The following TET3 variants were observed in gnomAD, a reference collection of about 807,000 sequenced individuals.
TET3 encodes the protein methylcytosine dioxygenase TET3.
A neutral mutation model predicts 141.4 loss-of-function variants in TET3; 19 were observed. That is an observed-to-expected ratio of 0.13 (90% CI 0.09 to 0.20). TET3 has a LOEUF of 0.20. Among genes scored for constraint, TET3 ranks in the 10% least tolerant of loss-of-function variants. The pLI is 1.00. For synonymous variants in TET3, 1,043 were observed against 980.9 expected, an observed-to-expected ratio of 1.06 and a Z score of -1.18; for missense variants, 1,874 against 2,356.9, an observed-to-expected ratio of 0.80 and a Z score of 4.24.
intron 3 of TET3, among the ~76,000 whole-genome samples, chr2:74,029,115 G>A (rs1247095430): frequency 6.6e-6 from 1 of 152,220 alleles, no homozygotes; most frequent in Non-Finnish European, 1.5e-5. Flanking sequence ...GAAAGGGGCA[G>A]TTGTCCCCAA....
chr2:74,073,472 C>T, intron 4 of TET3, 77 bp from the exon 5 acceptor site: 3 of 1,130,072 alleles, frequency 2.7e-6, no homozygotes, highest in Non-Finnish European at 3.8e-6. Flanking sequence ...ATTAACTTTC[C>T]TGTTGGTGGT....
At chr2:74,023,257 C>T (rs566515462) in intron 3 of TET3, among the ~76,000 whole-genome samples, 20 of 152,072 alleles carry the variant, frequency 1.3e-4, no homozygotes, top group Admixed American at 1.0e-3. Context: ...TATTTAATTT[C>T]GAGACAAGGT....
chr2:74,002,584 C>T (rs555556245), intron 2 of TET3: 4 of 324,442 alleles, frequency 1.2e-5, no homozygotes, highest in South Asian at 1.6e-4. Flanking sequence ...GCTGCGCCCC[C>T]GCCTCCCGGC....
intron 2 of TET3, chr2:74,002,593 G>A (rs1404859864): frequency 6.0e-6 from 2 of 331,870 alleles, no homozygotes; most frequent in Non-Finnish European, 5.4e-6. Flanking sequence ...CCGCCTCCCG[G>A]CTGGGCAGGT....
At chr2:74,121,380 G>A in the TET3 span, 1 of 152,224 alleles carries the variant, frequency 6.6e-6, no homozygotes, top group Non-Finnish European at 1.5e-5. Context: ...ACAGGTGATA[G>A]CAATCAATAG....
intron 4 of TET3, among the ~76,000 whole-genome samples, chr2:74,067,545 C>A (rs1197825652): frequency 6.6e-6 from 1 of 152,220 alleles, no homozygotes; most frequent in Non-Finnish European, 1.5e-5. Flanking sequence ...TTCTGTGCTA[C>A]ATTAACAATT....
At chr2:74,061,180 G>A (rs1457120545) in intron 4 of TET3, among the ~76,000 whole-genome samples, 2 of 148,352 alleles carry the variant, frequency 1.3e-5, no homozygotes, top group African/African-American at 5.0e-5. Context: ...CGGGGCGGCC[G>A]GCCGGGCGGG....
rs575057500 is a variant in TET3 at position 74,083,542 on chromosome 2, A to T, written c.2679+2951A>T. Among the ~76,000 whole-genome samples the T allele has an allele frequency of 3.7e-4, 56 of 152,172 alleles. 2 individuals carry two copies. In the Middle Eastern group the frequency reaches 0.01, roughly 28 times the overall value. On this transcript the variant is annotated intron_variant, in intron 6 of 11. Coordinates refer to ENST00000409262, the MANE Select transcript of TET3 (RefSeq NM_001287491.2). ...CTAGAAGCTGGATGAGCTGTTGAGG[A>T]TCCTGTGGCTGAGTTGGAGCCATCT...
intron 4 of TET3, among the ~76,000 whole-genome samples, chr2:74,051,513 G>A (rs60704949): frequency 0.057 from 8,622 of 152,206 alleles, 845 homozygotes; most frequent in African/African-American, 0.2. Flanking sequence ...TGAAATTTGT[G>A]TTGTATAACC....
chr2:74,047,496 G>A lies in TET3; in HGVS notation c.1579G>A (p.Ala527Thr), dbSNP rs781722716. Residue 527 changes from alanine to threonine, a missense_variant, in exon 4 of 12, where the codon GCC (alanine) becomes ACC (threonine). By Grantham distance (58) the Ala-to-Thr change is moderately conservative (BLOSUM62 0). Around this residue, in one of 10 missense-constraint regions of TET3, gnomAD observed 484 missense variants for 462.2 expected, o/e 1.05. Coordinates refer to ENST00000409262, the MANE Select transcript of TET3 (RefSeq NM_001287491.2). The stretch of plus-strand genomic sequence containing the variant: ...CGACACCCACCAGAAGGCCCAGACC[G>A]CCCTGCAGCAGCACCTCCACCACAA... ...EPDTHQKAQT[A>T]LQQHLHHKRS... The A allele has an allele frequency of 1.2e-5, 19 of 1,612,600 alleles. No individual in the cohort carries two copies. Among genetic ancestry groups the A allele is most frequent in the East Asian group, 4.5e-5 (2 of 44,882 alleles).
chr2:73,986,542 G>T lies in TET3; in HGVS notation c.139G>T (p.Gly47Cys). 8.1e-7 allele frequency: 1 copy of T among 1,232,242 alleles called. No homozygotes were observed. Among genetic ancestry groups the T allele is most frequent in the Admixed American group, 4.2e-5 (1 of 23,710 alleles). The allele number at this position is 1,232,242 out of a possible 1,614,324, so 76.3% of individuals were successfully genotyped here. Residue 47 changes from glycine (G) to cysteine (C), a missense_variant, in exon 2 of 12, where the codon GGT (glycine) becomes TGT (cysteine). This residue lies in a region of TET3 where 366 missense variants were observed against 487.0 expected (regional missense o/e 0.75). Transcript: ENST00000409262. ...TGGGAGTGAGTCCCAACTCCGAGGG[G>T]GTGGAGATGGTCGAAAGAAACGGAA... ...MAGSESQLRG[G>C]GDGRKKRKRC...
rs1219346283 is a variant in TET3 at position 74,093,151 on chromosome 2, T to G, written c.3129+160T>G. Among the ~76,000 whole-genome samples the G allele has an allele frequency of 1.3e-5, 2 of 152,244 alleles. No homozygotes were observed. The highest frequency in any genetic ancestry group is 1.9e-4 in the East Asian group (1 of 5,178). On this transcript the variant is annotated intron_variant, in intron 9 of 11. Transcript: ENST00000409262. The surrounding 1 kb of genome is among the most constrained non-coding windows in gnomAD (Gnocchi z 4.2). ...GATGTGGTTCTTTGATAAAAACCCC[T>G]TTTTTACACCAGGCTACCTGCATCC...
chr2:74,068,720 A>G (rs1215264142), intron 4 of TET3, among the ~76,000 whole-genome samples: 2 of 152,232 alleles, frequency 1.3e-5, no homozygotes, highest in Non-Finnish European at 2.9e-5. Context: ...TACTGCCTGT[A>G]TCCTCACCAA....
the TET3 span, among the ~76,000 whole-genome samples, chr2:74,124,014 T>C: frequency 2.2e-4 from 33 of 148,178 alleles, no homozygotes; most frequent in African/African-American, 8.0e-4. Flanking sequence ...GAGGAGCCCC[T>C]CCGCCCGGCA....
Position 74,087,070 on chromosome 2 carries a change from CTA to C in TET3, c.2680-758_2680-757del, listed in dbSNP as rs1319236843. On this transcript the variant is annotated intron_variant, in intron 6 of 11. Coordinates refer to ENST00000409262, the MANE Select transcript of TET3 (RefSeq NM_001287491.2). This position sits in a 1 kb window ranked among gnomAD's most constrained non-coding sequence, Gnocchi z 4.3. ...TGTCTCATGTCAGTGGAATCATGTA[CTA>C]TGTGTCCTTTTGTGTCTGGCTTATT... 2.6e-5 allele frequency among the ~76,000 whole-genome samples: 4 copies of C among 152,100 alleles called. No homozygotes were observed. Among genetic ancestry groups the C allele is most frequent in the Admixed American group, 2.0e-4 (3 of 15,274 alleles).
the TET3 span, among the ~76,000 whole-genome samples, chr2:74,130,278 T>A: frequency 6.6e-6 from 1 of 152,160 alleles, no homozygotes; most frequent in Non-Finnish European, 1.5e-5. Flanking sequence ...ATTACACAAA[T>A]GCTCTTTTAA....
chr2:74,080,206 C>T (rs1368811464), intron 5 of TET3, among the ~76,000 whole-genome samples: 3 of 152,178 alleles, frequency 2.0e-5, no homozygotes, highest in Non-Finnish European at 2.9e-5. Flanking sequence ...TTCTGGAGTT[C>T]GGAGGTAACG....
chr2:74,114,218 G>A, the TET3 span, among the ~76,000 whole-genome samples: 1 of 152,060 alleles, frequency 6.6e-6, no homozygotes, highest in African/African-American at 2.4e-5. Flanking sequence ...ACAATCTTTT[G>A]AACAAATGGT....
the TET3 span, among the ~76,000 whole-genome samples, chr2:74,118,611 G>A: frequency 2.0e-5 from 3 of 152,148 alleles, no homozygotes; most frequent in Admixed American, 6.5e-5. Flanking sequence ...AAATGTATAT[G>A]TGGGTTAGTC....
Sources: allele counts gnomAD v4.1 joint callset (sites outside exome capture counted in the v4.1 genomes callset), GRCh38; gene constraint gnomAD v4.1.1; regional missense constraint gnomAD v4.1.1; non-coding constraint Gnocchi (gnomAD v3.1); transcripts MANE v1.5; gene names NCBI Gene and HGNC (gene_info 2026-07-23, HGNC 2026-07-21).